CTNNA3: variants seen among roughly 807,000 people sequenced by gnomAD.
CTNNA3 encodes catenin alpha 3, also known as catenin alpha-3.
A neutral mutation model predicts 95.7 loss-of-function variants in CTNNA3; 76 were observed. The observed-to-expected ratio is 0.79, with a 90% CI of 0.66 to 0.96. The LOEUF (loss-of-function observed/expected upper bound fraction) is 0.96, where lower values mean the gene tolerates loss of function less well. CTNNA3 is among the 40% of genes least tolerant of loss of function. The probability of loss-of-function intolerance (pLI) is 0.00; values close to 1 mark genes in which losing one functional copy is unlikely to be tolerated. For missense variants in CTNNA3, 1,191 were observed against 1,089.8 expected (o/e 1.09, Z -1.31); for synonymous variants, 431 against 374.4 (o/e 1.15, Z -1.74).
intron 17 of CTNNA3, among the ~76,000 whole-genome samples, chr10:65,965,561 C>T (rs1324189979): frequency 1.3e-5 from 2 of 151,924 alleles, no homozygotes; most frequent in Non-Finnish European, 2.9e-5. Context: ...TGCGCCACCA[C>T]ACCCAGCTAA....
chr10:66,140,837 T>C (rs2083575812), intron 13 of CTNNA3, among the ~76,000 whole-genome samples: 1 of 152,240 alleles, frequency 6.6e-6, no homozygotes, highest in South Asian at 2.1e-4. Flanking sequence ...ATCTTCTCTC[T>C]TACTTTAGTC....
chr10:66,388,370 C>T (rs1279860653), intron 11 of CTNNA3, among the ~76,000 whole-genome samples: 1 of 151,894 alleles, frequency 6.6e-6, no homozygotes, highest in Non-Finnish European at 1.5e-5. Context: ...CTATTTTTTC[C>T]CCAGTGAATT....
chr10:67,009,198 C>T (rs1390859094), intron 7 of CTNNA3, among the ~76,000 whole-genome samples: 2 of 151,942 alleles, frequency 1.3e-5, no homozygotes, highest in East Asian at 3.9e-4. Flanking sequence ...AGGAATTTAT[C>T]TTCTACTATT....
At position 66,758,677 on chromosome 10, in the gene CTNNA3, G is replaced by A. The variant is rs1839475817; in HGVS notation, c.1281+7587C>T. On this transcript the variant is annotated intron_variant, in intron 9 of 17. Coordinates refer to ENST00000433211, the MANE Select transcript of CTNNA3 (RefSeq NM_013266.4). ...GGGCCGGGCATGGTGGCTCACGCCT[G>A]TAATCTCAGCACTTTGGGAAGTTGA... 3.3e-5 allele frequency among the ~76,000 whole-genome samples: 5 copies of A among 152,164 alleles called. No individual in the cohort carries two copies. The South Asian group carries it at 1.0e-3, about 32-fold the overall frequency.
intron 9 of CTNNA3, among the ~76,000 whole-genome samples, chr10:66,734,705 T>C (rs1481515345): frequency 6.6e-6 from 1 of 151,798 alleles, no homozygotes; most frequent in African/African-American, 2.4e-5. Context: ...CTACTAAAAA[T>C]ACAAAAAATT....
At chr10:67,321,751 C>T (rs760373118) in intron 5 of CTNNA3, among the ~76,000 whole-genome samples, 5 of 152,140 alleles carry the variant, frequency 3.3e-5, no homozygotes, top group Non-Finnish European at 7.4e-5. Context: ...TTCAAACTCA[C>T]ATATACAACT....
chr10:67,431,570 G>A (rs540243127), intron 5 of CTNNA3, among the ~76,000 whole-genome samples: 26 of 151,994 alleles, frequency 1.7e-4, no homozygotes, highest in African/African-American at 4.6e-4. Context: ...ATGTAGATAC[G>A]GGTACAAAAT....
intron 7 of CTNNA3, among the ~76,000 whole-genome samples, chr10:66,860,019 G>A (rs1410593577): frequency 9.4e-6 from 1 of 105,988 alleles, no homozygotes; most frequent in African/African-American, 3.7e-5. Context: ...ACTGTTGTGG[G>A]GTGGGGGGAG....
At chr10:65,973,725 C>T (rs936485675) in intron 16 of CTNNA3, among the ~76,000 whole-genome samples, 4 of 151,976 alleles carry the variant, frequency 2.6e-5, no homozygotes, top group African/African-American at 9.7e-5. Flanking sequence ...AGGTGCACGA[C>T]GTGGGGAGAA....
At chr10:67,392,443 T>C (rs571491186) in intron 5 of CTNNA3, among the ~76,000 whole-genome samples, 59 of 152,236 alleles carry the variant, frequency 3.9e-4, no homozygotes, top group African/African-American at 1.3e-3. Context: ...TAGGAACACT[T>C]TTACACTGTT....
At chr10:66,426,730 T>A (rs961763915) in intron 11 of CTNNA3, among the ~76,000 whole-genome samples, 1 of 151,878 alleles carries the variant, frequency 6.6e-6, no homozygotes, top group African/African-American at 2.4e-5. Flanking sequence ...TATTGACCTG[T>A]TTGGCCCTCA....
At chr10:66,123,591 A>G (rs961351862) in intron 13 of CTNNA3, among the ~76,000 whole-genome samples, 8 of 151,954 alleles carry the variant, frequency 5.3e-5, no homozygotes, top group Non-Finnish European at 1.0e-4. Context: ...CTGACCCCAC[A>G]TTTCCCTTCT....
At chr10:67,534,317 A>G (rs954267101) in intron 4 of CTNNA3, among the ~76,000 whole-genome samples, 2 of 152,176 alleles carry the variant, frequency 1.3e-5, no homozygotes, top group African/African-American at 2.4e-5. Context: ...TAGGAAGGGC[A>G]CTACCTATAC....
At chr10:67,543,311 C>A (rs1840740493) in intron 3 of CTNNA3, among the ~76,000 whole-genome samples, 1 of 151,766 alleles carries the variant, frequency 6.6e-6, no homozygotes. Context: ...TCTGAATATA[C>A]AAAAATCTGG....
At chr10:66,463,811 A>T (rs1012078824) in intron 11 of CTNNA3, among the ~76,000 whole-genome samples, 2 of 152,038 alleles carry the variant, frequency 1.3e-5, no homozygotes, top group African/African-American at 4.8e-5. Flanking sequence ...GAGAGCTTAA[A>T]GTCAGAACAG....
At chr10:67,598,427 C>T (rs1427346271) in intron 3 of CTNNA3, among the ~76,000 whole-genome samples, 2 of 152,032 alleles carry the variant, frequency 1.3e-5, no homozygotes. Flanking sequence ...ATGCAGGGTT[C>T]CCAACTTCCT....
intron 2 of CTNNA3, among the ~76,000 whole-genome samples, chr10:67,611,336 C>T (rs1002586591): frequency 8.0e-5 from 12 of 150,272 alleles, no homozygotes; most frequent in Non-Finnish European, 8.9e-5. Context: ...TTTTTTGAGA[C>T]GGAGTCTCAC....
At chr10:66,926,375 G>C (rs1193537327) in intron 7 of CTNNA3, 2 of 653,570 alleles carry the variant, frequency 3.1e-6, no homozygotes, top group Non-Finnish European at 5.5e-6. Flanking sequence ...CTGCGAATGC[G>C]GTGTTGGGAT....
chr10:67,482,152 C>T (rs999364968), intron 5 of CTNNA3, among the ~76,000 whole-genome samples: 6 of 150,340 alleles, frequency 4.0e-5, no homozygotes, highest in East Asian at 2.0e-4. Flanking sequence ...GTTACTGTAG[C>T]CTTGTAGTAT....
Sources: gnomAD v4.1 joint callset for allele counts (sites outside exome capture counted in the v4.1 genomes callset) on GRCh38, gnomAD v4.1.1 for gene constraint, MANE v1.5 for transcripts, NCBI Gene and HGNC (gene_info 2026-07-23, HGNC 2026-07-21) for gene names.